DNAH17: variants seen among roughly 807,000 people sequenced by gnomAD.
DNAH17 encodes axonemal beta dynein heavy chain 17.
Under a neutral mutation model 485.6 loss-of-function variants are expected in DNAH17, and 376 were observed. That is an observed-to-expected ratio of 0.77 (90% CI 0.71 to 0.84). DNAH17 has a LOEUF of 0.84. DNAH17 is among the 40% of genes least tolerant of loss of function. The pLI is 0.00. For synonymous variants in DNAH17, 3,031 were observed against 2,405.9 expected, an observed-to-expected ratio of 1.26 and a Z score of -7.60; for missense variants, 6,370 against 5,839.3, an observed-to-expected ratio of 1.09 and a Z score of -2.96.
chr17:78,505,776 C>T (rs145556875), intron 30 of DNAH17, among the ~76,000 whole-genome samples: 180 of 152,112 alleles, frequency 1.2e-3, no homozygotes, highest in African/African-American at 4.2e-3. Context: ...GTCAGGAGTT[C>T]GAGACCAGCC....
At chr17:78,501,142 CCCA>C in intron 35 of DNAH17, 39 bp downstream of exon 35, 11 of 1,526,872 alleles carry the variant, frequency 7.2e-6, no homozygotes, top group Non-Finnish European at 9.8e-6. Context: ...GCGGAAGGGA[CCCA>C]CCAAGAGCAC....
At position 78,571,793 on chromosome 17, in the gene DNAH17, G is replaced by A; in HGVS notation, c.540-11C>T. On this transcript the variant is annotated splice_polypyrimidine_tract_variant and intron_variant, in intron 3 of 80. Transcript: ENST00000389840. ...AGTGAAGAGGGGATCCTGCCCAGTG[G>A]AAGGTTGGGGCATTGCTCTCATGGC... The A allele has an allele frequency of 6.4e-7, 1 of 1,565,466 alleles. No homozygotes were observed. The highest frequency in any genetic ancestry group is 8.7e-7 in the Non-Finnish European group (1 of 1,154,850).
At position 78,448,419 on chromosome 17, in the gene DNAH17, G is replaced by A. The variant is rs185730489; in HGVS notation, c.11211+995C>T. 6.6e-5 allele frequency among the ~76,000 whole-genome samples: 10 copies of A among 152,218 alleles called. No individual in the cohort carries two copies. The East Asian group carries it at 1.7e-3, about 26-fold the overall frequency. On this transcript the variant is annotated intron_variant, in intron 69 of 80. Transcript: ENST00000389840. Reference sequence around the variant, plus strand: ...GCACATGCCTGTAGTCCCAGCTACTGAGGCGGCTGAAGTGGGAGGATTGCT... The same window carrying A: ...GCACATGCCTGTAGTCCCAGCTACTAAGGCGGCTGAAGTGGGAGGATTGCT...
chr17:78,441,096 T>A lies in DNAH17; in HGVS notation c.11632A>T (p.Ile3878Phe). 1 of 1,612,970 alleles carries A rather than the reference T, an allele frequency of 6.2e-7. No individual in the cohort carries two copies. Among genetic ancestry groups the A allele is most frequent in the Non-Finnish European group, 8.5e-7 (1 of 1,179,492 alleles). ...AAGGGGTCAACCCCCGGGGAGAGGA[T>A]GAAGAAGATTGACGTGGAGGGGCTG... ...ESSPSTSIFF[I>F]LSPGVDPLKD... is the part of the protein sequence containing the mutation. The change falls in exon 72 of 81, where the codon ATC becomes TTC. Residue 3878 changes from isoleucine (I) to phenylalanine (F), a missense_variant. Ile to Phe is a conservative substitution (Grantham distance 21). Transcript: ENST00000389840.
chr17:78,484,739 A>ACCCCCCTGCGGCCCCCCCCC, intron 48 of DNAH17, 129 bp downstream of exon 48: 1 of 347,798 alleles, frequency 2.9e-6, no homozygotes, highest in Non-Finnish European at 4.6e-6. Flanking sequence ...ACGTTGCAGC[A>ACCCCCCTGCGGCCCCCCCCC]CCCCCCCCAC....
At chr17:78,425,105 G>C (rs1472991118) in intron 80 of DNAH17, 16 of 453,960 alleles carry the variant, frequency 3.5e-5, no homozygotes, top group Non-Finnish European at 6.3e-5. Context: ...TTAAAGCAGA[G>C]GCCAGGTGAC....
At chr17:78,569,592 G>T in intron 7 of DNAH17, 65 bp from the exon 8 acceptor site, 1 of 1,516,324 alleles carries the variant, frequency 6.6e-7, no homozygotes, top group Non-Finnish European at 8.9e-7. Context: ...GTCCAGGCAC[G>T]CCGCCTGCAG....
In DNAH17 at chr17:78,486,353, C is replaced by T. The variant is rs61743860; in HGVS notation, c.6972G>A (p.Thr2324=). The change falls in exon 45 of 81, where the codon ACG becomes ACA. Residue 2324 remains threonine, a synonymous_variant. Coordinates refer to ENST00000389840, the MANE Select transcript of DNAH17 (RefSeq NM_173628.4). ...TPVPEITVIQ[T]ILYLLECLLT... is the part of the protein sequence containing the mutation. The stretch of plus-strand genomic sequence containing the variant: ...GCAGGCACTCCAGCAGGTACAGAAT[C>T]GTTTGGATCACCGTGATCTCCGGCA... The T allele has an allele frequency of 0.094, 152,134 of 1,613,760 alleles. 7,684 individuals are homozygous for T. The highest frequency in any genetic ancestry group is 0.15 in the East Asian group (6,568 of 44,862).
chr17:78,424,308 C>T (rs2086299577), intron 80 of DNAH17, 155 bp from the exon 81 acceptor site: 2 of 917,254 alleles, frequency 2.2e-6, no homozygotes, highest in Admixed American at 2.9e-5. Context: ...AAGCAGAGGC[C>T]TTCGTAGGTG....
chr17:78,557,945 C>A (rs749470552), intron 14 of DNAH17, among the ~76,000 whole-genome samples, 163 bp downstream of exon 14: 1 of 152,124 alleles, frequency 6.6e-6, no homozygotes, highest in African/African-American at 2.4e-5. Context: ...AGCACATACA[C>A]ATAGCAGGTA....
intron 79 of DNAH17, 95 bp downstream of exon 79, chr17:78,426,361 GC>G: frequency 7.2e-7 from 1 of 1,391,376 alleles, no homozygotes; most frequent in Non-Finnish European, 9.4e-7. Flanking sequence ...GAGCCTCCTG[GC>G]CATGCTCCTG....
chr17:78,492,553 A>G, intron 42 of DNAH17, 80 bp downstream of exon 42: 1 of 1,565,234 alleles, frequency 6.4e-7, no homozygotes, highest in Non-Finnish European at 8.7e-7. Context: ...CTGGCCTTCC[A>G]CGTGGGAACG....
intron 26 of DNAH17, among the ~76,000 whole-genome samples, chr17:78,512,940 CAAAAA>C (rs57734613): frequency 9.6e-5 from 8 of 83,304 alleles, no homozygotes; most frequent in African/African-American, 3.1e-4. Flanking sequence ...GACTCTAACT[CAAAAA>C]AAAAAAAAAA....
Position 78,571,288 on chromosome 17 carries a change from C to G in DNAH17, c.823G>C (p.Val275Leu). 1 of 1,613,034 alleles carries G rather than the reference C, an allele frequency of 6.2e-7. No individual in the cohort carries two copies. ...WPALQNVYTN[V>L]TEGLKEANDI... is the part of the protein sequence containing the mutation. ...AGGGTCACAGGCTCACCTTCAGTGACGTTGGTGTAAACGTTTTGCAGGGCT... is the reference window on the plus strand; with the variant it reads ...AGGGTCACAGGCTCACCTTCAGTGAGGTTGGTGTAAACGTTTTGCAGGGCT... The change falls in exon 5 of 81, where the codon GTC becomes CTC. Residue 275 changes from valine to leucine, a missense_variant. Coordinates refer to ENST00000389840, the MANE Select transcript of DNAH17 (RefSeq NM_173628.4).
intron 25 of DNAH17, among the ~76,000 whole-genome samples, chr17:78,516,908 A>G (rs991870862): frequency 6.6e-6 from 1 of 152,186 alleles, no homozygotes; most frequent in Non-Finnish European, 1.5e-5. Context: ...AATTAAATAA[A>G]AGAAGAGACA....
intron 64 of DNAH17, 99 bp from the exon 65 acceptor site, chr17:78,453,564 C>T (rs1214875218): frequency 4.7e-6 from 7 of 1,499,478 alleles, no homozygotes; most frequent in African/African-American, 2.8e-5. Context: ...AGCGAGACAG[C>T]GCCAAGCGAG....
At chr17:78,458,900 G>T in intron 61 of DNAH17, 101 bp downstream of exon 61, 2 of 1,325,590 alleles carry the variant, frequency 1.5e-6, no homozygotes, top group Non-Finnish European at 2.1e-6. Flanking sequence ...AATAATTCAT[G>T]ACGGCGGGCC....
Position 78,476,663 on chromosome 17 carries a change from G to T in DNAH17, c.8063C>A (p.Thr2688Asn). The T allele has an allele frequency of 6.2e-7, 1 of 1,613,062 alleles. No homozygotes were observed. Among genetic ancestry groups the T allele is most frequent in the Non-Finnish European group, 8.5e-7 (1 of 1,179,534 alleles). The change falls in exon 52 of 81, where the codon ACT becomes AAT. Residue 2688 changes from threonine (T) to asparagine (N), a missense_variant. Thr to Asn is a moderately conservative substitution (Grantham distance 65). Transcript: ENST00000389840. The stretch of plus-strand genomic sequence containing the variant: ...CATTTTGTCACCATACACTCGTTCA[G>T]TCTCATGTAGCCAAAGGCGGACGAG... ...LDLVRLWLHE[T>N]ERVYGDKMVD... is the part of the protein sequence containing the mutation.
At chr17:78,569,665 G>A (rs2092321620) in intron 7 of DNAH17, 138 bp from the exon 8 acceptor site, 1 of 1,160,168 alleles carries the variant, frequency 8.6e-7, no homozygotes, top group Non-Finnish European at 1.2e-6. Flanking sequence ...GCCCACTGCT[G>A]GGCCGTTTTT....
Sources: allele counts gnomAD v4.1 joint callset (sites outside exome capture counted in the v4.1 genomes callset), GRCh38; gene constraint gnomAD v4.1.1; transcripts MANE v1.5; gene names NCBI Gene and HGNC (gene_info 2026-07-23, HGNC 2026-07-21).